Variants in PRKG1 observed in about 807,000 individuals in gnomAD.
PRKG1 encodes protein kinase cGMP-dependent 1, also known as cGMP-dependent protein kinase 1.
A neutral mutation model predicts 88.1 loss-of-function variants in PRKG1; 35 were observed. The observed-to-expected ratio is 0.40, with a 90% confidence interval of 0.30 to 0.53. PRKG1 has a LOEUF of 0.53. PRKG1 is among the 20% of genes least tolerant of loss of function. The pLI, the probability that PRKG1 is intolerant of heterozygous loss-of-function variation, is 0.59. For missense variants in PRKG1, 540 were observed against 839.8 expected (o/e 0.64, Z 4.41); for synonymous variants, 303 against 292.5 (o/e 1.04, Z -0.37).
chr10:51,032,211 G>A (rs1042781915), intron 1 of PRKG1, among the ~76,000 whole-genome samples: 1 of 152,040 alleles, frequency 6.6e-6, no homozygotes, highest in Non-Finnish European at 1.5e-5. Flanking sequence ...TCCAATTCCT[G>A]CCTCTCTGAG....
In PRKG1 at chr10:51,374,667, G is replaced by C. The variant is rs536387348; in HGVS notation, c.479-93056G>C. On this transcript the variant is annotated intron_variant, in intron 2 of 17. Transcript: ENST00000373980. ...TTCAAGGTGCCATCTTGGAAGCAGA[G>C]AGCAGCCCTCACCAGACAATTGAAC... 5.3e-5 allele frequency among the ~76,000 whole-genome samples: 8 copies of C among 152,238 alleles called. No homozygotes were observed. In the South Asian group the frequency reaches 1.7e-3, roughly 32 times the overall value.
chr10:51,576,233 T>C (rs1340612840), intron 3 of PRKG1, among the ~76,000 whole-genome samples: 1 of 151,978 alleles, frequency 6.6e-6, no homozygotes, highest in Non-Finnish European at 1.5e-5. Flanking sequence ...CAACCCAATT[T>C]ATAACTCTTT....
chr10:51,107,903 G>T (rs1844884799), intron 1 of PRKG1, among the ~76,000 whole-genome samples: 1 of 150,534 alleles, frequency 6.6e-6, no homozygotes, highest in Non-Finnish European at 1.5e-5. Context: ...TGTCAGAAAT[G>T]AGAGAGAGGC....
intron 2 of PRKG1, among the ~76,000 whole-genome samples, chr10:51,382,514 A>C (rs977500459): frequency 6.6e-6 from 1 of 152,168 alleles, no homozygotes; most frequent in Non-Finnish European, 1.5e-5. Flanking sequence ...TCAACTTTAC[A>C]CTTATTATGT....
chr10:51,575,130 G>C (rs938667915), intron 3 of PRKG1, among the ~76,000 whole-genome samples: 3 of 151,976 alleles, frequency 2.0e-5, no homozygotes, highest in South Asian at 2.1e-4. Flanking sequence ...TATATACAGT[G>C]ATGCCTGTGG....
intron 3 of PRKG1, among the ~76,000 whole-genome samples, chr10:51,471,359 T>C (rs1434063287): frequency 2.6e-5 from 4 of 152,002 alleles, no homozygotes; most frequent in South Asian, 4.1e-4. Context: ...AATTGTATAG[T>C]GAAAGGAGTT....
At chr10:51,163,075 G>T (rs1846409214) in intron 2 of PRKG1, among the ~76,000 whole-genome samples, 2 of 152,108 alleles carry the variant, frequency 1.3e-5, no homozygotes, top group African/African-American at 4.8e-5. Context: ...TGAGGCAGGA[G>T]AATCTCTTGA....
intron 3 of PRKG1, among the ~76,000 whole-genome samples, chr10:51,529,676 G>GAC (rs371364810): frequency 2.3e-3 from 338 of 147,208 alleles, no homozygotes; most frequent in African/African-American, 7.7e-3. Flanking sequence ...TAGCAATACA[G>GAC]ACACACACAC....
intron 9 of PRKG1, among the ~76,000 whole-genome samples, chr10:52,232,402 T>C (rs1470468140): frequency 6.6e-6 from 1 of 152,142 alleles, no homozygotes; most frequent in Non-Finnish European, 1.5e-5. Context: ...AGAACATCAA[T>C]GTATCTTTTT....
At chr10:51,181,931 A>AT (rs1837358288) in intron 2 of PRKG1, among the ~76,000 whole-genome samples, 1 of 152,166 alleles carries the variant, frequency 6.6e-6, no homozygotes, top group African/African-American at 2.4e-5. Context: ...TCAACATCAT[A>AT]TTTTTTACTG....
chr10:51,018,661 CT>C (rs1843098457), intron 1 of PRKG1, among the ~76,000 whole-genome samples: 1 of 152,172 alleles, frequency 6.6e-6, no homozygotes, highest in Admixed American at 6.5e-5. Context: ...TCATACCTAA[CT>C]TTTTCTACAA....
intron 3 of PRKG1, among the ~76,000 whole-genome samples, chr10:51,671,647 C>T (rs890389194): frequency 1.6e-4 from 24 of 150,614 alleles, no homozygotes; most frequent in Admixed American, 7.3e-4. Context: ...AGTGCAGTGG[C>T]ACGATTTCAG....
chr10:52,154,817 C>T (rs1186948976), intron 8 of PRKG1, among the ~76,000 whole-genome samples: 1 of 152,078 alleles, frequency 6.6e-6, no homozygotes, highest in Admixed American at 6.6e-5. Flanking sequence ...TCCCCTGAGT[C>T]CCCAAAGTGC....
chr10:51,953,507 G>A (rs976484377), intron 5 of PRKG1, among the ~76,000 whole-genome samples: 1 of 152,064 alleles, frequency 6.6e-6, no homozygotes, highest in Non-Finnish European at 1.5e-5. Context: ...CCACTCCAAG[G>A]CTGTTAATTG....
intron 14 of PRKG1, among the ~76,000 whole-genome samples, chr10:52,288,342 G>A (rs1429803089): frequency 1.3e-5 from 2 of 152,050 alleles, no homozygotes; most frequent in Admixed American, 6.6e-5. Flanking sequence ...ATGAGGTGGG[G>A]TAGTATCGTT....
intron 3 of PRKG1, among the ~76,000 whole-genome samples, chr10:51,741,805 C>T (rs529581046): frequency 1.3e-5 from 2 of 152,274 alleles, no homozygotes; most frequent in Non-Finnish European, 2.9e-5. Context: ...CCAGAGTTTT[C>T]AGTGCTAACT....
Position 51,903,682 on chromosome 10 carries a change from A to G in PRKG1, c.699-3825A>G, listed in dbSNP as rs142564598. 7.9e-3 allele frequency among the ~76,000 whole-genome samples: 1,207 copies of G among 152,328 alleles called. 17 individuals carry two copies. The highest frequency in any genetic ancestry group is 0.025 in the African/African-American group (1,047 of 41,584). On this transcript the variant is annotated intron_variant, in intron 4 of 17. Transcript: ENST00000373980. ...ATGTTTGGAAATAAATGAAGTCACT[A>G]AATCAAATGTTACTAATATTATTTA...
chr10:51,103,838 A>G (rs375022426), intron 1 of PRKG1, among the ~76,000 whole-genome samples: 35 of 152,356 alleles, frequency 2.3e-4, no homozygotes, highest in African/African-American at 8.2e-4. Flanking sequence ...TGGAGTAAGT[A>G]CATACACAAC....
intron 1 of PRKG1, among the ~76,000 whole-genome samples, chr10:51,023,173 A>T (rs1843162466): frequency 6.6e-6 from 1 of 152,204 alleles, no homozygotes; most frequent in South Asian, 2.1e-4. Context: ...AAGAGTACAA[A>T]TTCTCTTGTC....
Sources: allele counts gnomAD v4.1 joint callset (sites outside exome capture counted in the v4.1 genomes callset), GRCh38; gene constraint gnomAD v4.1.1; transcripts MANE v1.5; gene names NCBI Gene and HGNC (gene_info 2026-07-23, HGNC 2026-07-21).